Variants in TCF12 observed in about 807,000 individuals in gnomAD.
TCF12 encodes the protein transcription factor 12, also known as DNA-binding protein HTF4.
TCF12 carries 45 observed loss-of-function variants against 86.0 expected under a neutral mutation model. The ratio of observed to expected loss-of-function variants is 0.52; its 90% CI spans 0.41 to 0.67. The LOEUF is 0.67. Ranked by LOEUF, TCF12 falls within the 30% of genes least tolerant of loss-of-function variation. TCF12 has a pLI of 0.00. For missense variants in TCF12, 881 were observed against 859.9 expected (o/e 1.02, Z -0.31); for synonymous variants, 330 against 299.6 (o/e 1.10, Z -1.05).
At chr15:57,263,332 G>T in intron 18 of TCF12, 58 bp downstream of exon 18, 1 of 1,531,220 alleles carries the variant, frequency 6.5e-7, no homozygotes, top group South Asian at 1.2e-5. Flanking sequence ...AAACATACTT[G>T]AGAAGCTGGG....
intron 19 of TCF12, among the ~76,000 whole-genome samples, chr15:57,280,271 C>T (rs2061627255): frequency 1.3e-5 from 2 of 152,158 alleles, no homozygotes; most frequent in Non-Finnish European, 1.5e-5. Context: ...AAGAAAGCAG[C>T]TCTTAATATT....
At chr15:57,236,054 A>G (rs2059367810) in intron 12 of TCF12, among the ~76,000 whole-genome samples, 1 of 152,002 alleles carries the variant, frequency 6.6e-6, no homozygotes, top group Non-Finnish European at 1.5e-5. Flanking sequence ...TGTCATGGAA[A>G]CTCAGCTCTG....
chr15:57,075,819 T>TCTCTCTCTCTCTCC (rs2069909800), intron 4 of TCF12, among the ~76,000 whole-genome samples: 4 of 54,080 alleles, frequency 7.4e-5, no homozygotes, highest in Non-Finnish European at 1.5e-4. Context: ...TCTCTCTCTC[T>TCTCTCTCTCTCTCC]CTCTCTCTCT....
At chr15:56,921,613 A>T (rs2059797172) in intron 3 of TCF12, among the ~76,000 whole-genome samples, 1 of 151,998 alleles carries the variant, frequency 6.6e-6, no homozygotes, top group African/African-American at 2.4e-5. Context: ...CAGTGTGCAA[A>T]AGCTGTAACT....
intron 8 of TCF12, among the ~76,000 whole-genome samples, chr15:57,230,691 G>T (rs1269183299): frequency 6.6e-6 from 1 of 152,030 alleles, no homozygotes; most frequent in African/African-American, 2.4e-5. Context: ...TAGTAACAAA[G>T]ATAGCAATGT....
At chr15:57,162,630 C>G (rs1351171020) in intron 5 of TCF12, among the ~76,000 whole-genome samples, 1 of 152,138 alleles carries the variant, frequency 6.6e-6, no homozygotes, top group Non-Finnish European at 1.5e-5. Flanking sequence ...TTTTCATTCT[C>G]TTTGAATTCA....
chr15:57,156,668 G>T (rs764086587), intron 5 of TCF12, among the ~76,000 whole-genome samples: 1 of 152,128 alleles, frequency 6.6e-6, no homozygotes, highest in African/African-American at 2.4e-5. Flanking sequence ...TCTGTCCCTG[G>T]CACGCAAACA....
At chr15:57,035,817 C>A (rs2066472183) in intron 3 of TCF12, among the ~76,000 whole-genome samples, 1 of 152,092 alleles carries the variant, frequency 6.6e-6, no homozygotes, top group African/African-American at 2.4e-5. Flanking sequence ...TCCCCAAACC[C>A]CTGGGCACAG....
Position 57,237,733 on chromosome 15 carries a change from A to G in TCF12, c.1035+3626A>G, listed in dbSNP as rs377337643. 3.1e-3 allele frequency among the ~76,000 whole-genome samples: 468 copies of G among 152,342 alleles called. 3 individuals are homozygous for G. The highest frequency in any genetic ancestry group is 0.011 in the African/African-American group (449 of 41,578). On this transcript the variant is annotated intron_variant, in intron 12 of 20. Coordinates refer to ENST00000333725, the MANE Select transcript of TCF12 (RefSeq NM_207037.2). ...TTCTTTTAAGTCCAGAAAGTATGAA[A>G]AGAAACATATTCCTGATTTAGAATA...
At chr15:57,142,298 C>T (rs547762475) in intron 5 of TCF12, among the ~76,000 whole-genome samples, 1 of 43,262 alleles carries the variant, frequency 2.3e-5, no homozygotes, top group Non-Finnish European at 5.8e-5. Flanking sequence ...TATTTACTCA[C>T]ACTTTTATAG....
In TCF12 at chr15:57,065,623, C is replaced by T. The variant is rs535591520; in HGVS notation, c.222+1800C>T. ...CTCTCTTTCAGGCTTTCTTCACCGCCCCGCCCCCCCACCACCCCCCTTGAG... is the reference window on the plus strand; with the variant it reads ...CTCTCTTTCAGGCTTTCTTCACCGCTCCGCCCCCCCACCACCCCCCTTGAG... On this transcript the variant is annotated intron_variant, in intron 4 of 20. Transcript: ENST00000333725. Among the ~76,000 whole-genome samples, 13 of 148,874 alleles carry T rather than the reference C, an allele frequency of 8.7e-5. No individual in the cohort carries two copies. In the East Asian group the frequency reaches 2.6e-3, roughly 29 times the overall value.
intron 8 of TCF12, among the ~76,000 whole-genome samples, chr15:57,198,722 T>A (rs544916573): frequency 6.7e-6 from 1 of 150,006 alleles, no homozygotes; most frequent in South Asian, 2.2e-4. Flanking sequence ...GTACATCTTT[T>A]TGTTGTGTAA....
intron 3 of TCF12, among the ~76,000 whole-genome samples, chr15:57,039,314 A>C (rs950198918): frequency 6.6e-6 from 1 of 152,160 alleles, no homozygotes; most frequent in African/African-American, 2.4e-5. Context: ...ATATCTGTTC[A>C]TATTGAAACT....
intron 3 of TCF12, among the ~76,000 whole-genome samples, chr15:56,980,320 A>G (rs561243986): frequency 4.5e-4 from 68 of 152,224 alleles, no homozygotes; most frequent in Non-Finnish European, 8.4e-4. Flanking sequence ...GACCTTAAAG[A>G]TGTTATTAGG....
chr15:57,030,211 G>A (rs147345171), intron 3 of TCF12, among the ~76,000 whole-genome samples: 213 of 152,248 alleles, frequency 1.4e-3, no homozygotes, highest in Non-Finnish European at 2.1e-3. Flanking sequence ...ACTGAGGCAG[G>A]AGTTTGCTTT....
chr15:57,031,886 C>T (rs996883705), intron 3 of TCF12, among the ~76,000 whole-genome samples: 49 of 152,270 alleles, frequency 3.2e-4, no homozygotes, highest in African/African-American at 1.1e-3. Flanking sequence ...GTAATGACAT[C>T]AGCTGACAGC....
rs1388481094 is a variant in TCF12 at position 57,063,793 on chromosome 15, T to A, written c.192T>A (p.Gly64=). Residue 64 remains glycine (G), a synonymous_variant, in exon 4 of 21, where the codon GGT becomes GGA. Transcript: ENST00000333725. ...RGGTTSWGTS[G]QPSPSYDSSR... is the part of the protein sequence containing the mutation. ...GTACAACATCTTGGGGAACAAGTGG[T>A]CAACCAAGTCCTTCCTATGATTCAT... 6.2e-7 allele frequency: 1 copy of A among 1,603,422 alleles called. No homozygotes were observed. Among genetic ancestry groups the A allele is most frequent in the East Asian group, 2.2e-5 (1 of 44,702 alleles).
intron 5 of TCF12, among the ~76,000 whole-genome samples, chr15:57,128,862 A>G (rs1255613436): frequency 1.3e-5 from 2 of 152,176 alleles, no homozygotes; most frequent in Non-Finnish European, 2.9e-5. Flanking sequence ...CATAATCAAT[A>G]TTTCATTTCT....
At chr15:57,047,438 A>G (rs756897413) in intron 3 of TCF12, among the ~76,000 whole-genome samples, 19 of 152,210 alleles carry the variant, frequency 1.2e-4, no homozygotes, top group Non-Finnish European at 2.6e-4. Context: ...TGATTTTTGT[A>G]TACCTAAAAC....
Sources: allele counts gnomAD v4.1 joint callset (sites outside exome capture counted in the v4.1 genomes callset), GRCh38; gene constraint gnomAD v4.1.1; transcripts MANE v1.5; gene names NCBI Gene and HGNC (gene_info 2026-07-23, HGNC 2026-07-21).